SOBP: variants seen among roughly 807,000 people sequenced by gnomAD.
The protein encoded by SOBP is sine oculis-binding protein homolog.
Under a neutral mutation model 53.6 loss-of-function variants are expected in SOBP, and 4 were observed. The observed-to-expected ratio is 0.07, with a 90% CI of 0.04 to 0.17. The LOEUF is 0.17. SOBP is among the 10% of genes least tolerant of loss of function. SOBP has a pLI of 1.00. For synonymous variants in SOBP, 584 were observed against 522.6 expected, an observed-to-expected ratio of 1.12 and a Z score of -1.60; for missense variants, 1,088 against 1,204.7, an observed-to-expected ratio of 0.90 and a Z score of 1.43.
intron 3 of SOBP, among the ~76,000 whole-genome samples, chr6:107,516,098 C>G (rs1450779274): frequency 6.6e-6 from 1 of 152,118 alleles, no homozygotes; most frequent in Non-Finnish European, 1.5e-5. Flanking sequence ...CAACAGAACA[C>G]TCCACAGCCA....
chr6:107,637,925 G>A (rs1771120785), intron 6 of SOBP, among the ~76,000 whole-genome samples: 1 of 152,250 alleles, frequency 6.6e-6, no homozygotes, highest in Non-Finnish European at 1.5e-5. Flanking sequence ...ATGTGGTGAT[G>A]AAATTGCCCA....
intron 3 of SOBP, among the ~76,000 whole-genome samples, chr6:107,523,255 G>A (rs1783567166): frequency 6.6e-6 from 1 of 152,316 alleles, no homozygotes; most frequent in Non-Finnish European, 1.5e-5. Context: ...ATTTTGGCAT[G>A]CTGTGTCTCA....
intron 3 of SOBP, among the ~76,000 whole-genome samples, chr6:107,508,981 GTCATGT>G (rs1783080487): frequency 1.3e-5 from 2 of 152,176 alleles, no homozygotes; most frequent in African/African-American, 4.8e-5. Context: ...TCTAGGCTTT[GTCATGT>G]ACCACCCTGT....
intron 3 of SOBP, among the ~76,000 whole-genome samples, chr6:107,513,471 G>A (rs1435827513): frequency 1.3e-5 from 2 of 152,114 alleles, no homozygotes; most frequent in African/African-American, 4.8e-5. Context: ...CTGACATGGA[G>A]TTGTACTTGC....
At chr6:107,550,368 C>T (rs1481826393) in intron 4 of SOBP, among the ~76,000 whole-genome samples, 3 of 152,132 alleles carry the variant, frequency 2.0e-5, no homozygotes, top group Non-Finnish European at 4.4e-5. Flanking sequence ...TCTGTTTGAG[C>T]GTGTGAATTG....
intron 4 of SOBP, among the ~76,000 whole-genome samples, chr6:107,551,699 A>G (rs1784463556): frequency 6.6e-6 from 1 of 152,180 alleles, no homozygotes; most frequent in African/African-American, 2.4e-5. Context: ...ATCCACTCTG[A>G]TATTTTCTGT....
chr6:107,494,407 G>T (rs750368252), intron 1 of SOBP, among the ~76,000 whole-genome samples: 2 of 152,242 alleles, frequency 1.3e-5, no homozygotes, highest in South Asian at 2.1e-4. Flanking sequence ...ATGTGTAAGC[G>T]TAAATATATG....
chr6:107,633,262 A>T (rs946404632), intron 5 of SOBP, among the ~76,000 whole-genome samples: 2 of 152,212 alleles, frequency 1.3e-5, no homozygotes, highest in Admixed American at 6.5e-5. Flanking sequence ...AGTCATGCTT[A>T]AAGGGGACAA....
chr6:107,493,651 G>A (rs973203537), intron 1 of SOBP, among the ~76,000 whole-genome samples: 4 of 152,194 alleles, frequency 2.6e-5, no homozygotes, highest in Non-Finnish European at 5.9e-5. Context: ...GTAATAGAAA[G>A]GACATTGGTA....
intron 6 of SOBP, among the ~76,000 whole-genome samples, chr6:107,655,438 T>C (rs943853928): frequency 1.3e-5 from 2 of 152,132 alleles, no homozygotes; most frequent in Admixed American, 6.6e-5. Flanking sequence ...GAGAGGGACT[T>C]GTACTGCCAC....
intron 4 of SOBP, among the ~76,000 whole-genome samples, chr6:107,581,366 C>A (rs1316038070): frequency 6.6e-6 from 1 of 152,106 alleles, no homozygotes; most frequent in Non-Finnish European, 1.5e-5. Flanking sequence ...GGACAGGAGA[C>A]CCAGTTGAAG....
intron 6 of SOBP, among the ~76,000 whole-genome samples, chr6:107,652,342 G>C (rs1771836598): frequency 6.6e-6 from 1 of 152,350 alleles, no homozygotes; most frequent in Admixed American, 6.5e-5. Flanking sequence ...AAGGGTTCAA[G>C]AGTTCAGTGG....
At chr6:107,496,995 A>G (rs1297989519) in intron 1 of SOBP, among the ~76,000 whole-genome samples, 1 of 152,210 alleles carries the variant, frequency 6.6e-6, no homozygotes, top group Non-Finnish European at 1.5e-5. Flanking sequence ...AGAGCTAGAA[A>G]CTGACTTCTA....
rs1449501991 is a variant in SOBP at position 107,548,299 on chromosome 6, G to A, written c.573+14689G>A. On this transcript the variant is annotated intron_variant, in intron 4 of 6. Transcript: ENST00000317357. ...GACAGAGTCTTGCTCTGTTGCCCAC[G>A]CTGGAGTGCAGTGGCGTGATCTTGG... Among the ~76,000 whole-genome samples the A allele has an allele frequency of 3.4e-5, 5 of 148,818 alleles. No individual in the cohort carries two copies. The South Asian group carries it at 6.3e-4, about 19-fold the overall frequency.
chr6:107,492,262 C>T (rs1344768680), intron 1 of SOBP, among the ~76,000 whole-genome samples: 1 of 152,004 alleles, frequency 6.6e-6, no homozygotes, highest in Non-Finnish European at 1.5e-5. Flanking sequence ...CCTCACTTAC[C>T]CTTACCTCCT....
chr6:107,505,472 G>A (rs189896697), intron 2 of SOBP, among the ~76,000 whole-genome samples: 32 of 151,900 alleles, frequency 2.1e-4, no homozygotes, highest in South Asian at 4.2e-4. Context: ...ACAGGCGTGC[G>A]CCACATGTCT....
At chr6:107,606,713 C>T (rs1436270383) in intron 5 of SOBP, among the ~76,000 whole-genome samples, 1 of 152,190 alleles carries the variant, frequency 6.6e-6, no homozygotes, top group Non-Finnish European at 1.5e-5. Flanking sequence ...GCGGCAGCGC[C>T]CTCACTGGGA....
At chr6:107,513,735 A>G (rs1583160973) in intron 3 of SOBP, among the ~76,000 whole-genome samples, 1 of 151,798 alleles carries the variant, frequency 6.6e-6, no homozygotes, top group African/African-American at 2.4e-5. Context: ...AAAAAAAAAA[A>G]AAAAAGAAAG....
intron 4 of SOBP, among the ~76,000 whole-genome samples, chr6:107,572,186 A>T (rs111618872): frequency 6.6e-6 from 1 of 152,214 alleles, no homozygotes; most frequent in African/African-American, 2.4e-5. Context: ...AACCCTGAAG[A>T]TAGCAATTTT....
Sources: allele counts gnomAD v4.1 joint callset (sites outside exome capture counted in the v4.1 genomes callset), GRCh38; gene constraint gnomAD v4.1.1; transcripts MANE v1.5; gene names NCBI Gene and HGNC (gene_info 2026-07-23, HGNC 2026-07-21).